SORCS2: variants seen among roughly 807,000 people sequenced by gnomAD.
SORCS2 encodes the protein VPS10 domain-containing receptor SorCS2.
Under a neutral mutation model 141.6 loss-of-function variants are expected in SORCS2, and 100 were observed. The observed-to-expected ratio is 0.71, with a 90% CI of 0.60 to 0.83. SORCS2 has a LOEUF of 0.83. Ranked by LOEUF, SORCS2 falls within the 40% of genes least tolerant of loss-of-function variation. The pLI is 0.00. For missense variants in SORCS2, 1,646 were observed against 1,560.2 expected (o/e 1.05, Z -0.93); for synonymous variants, 789 against 676.9 (o/e 1.17, Z -2.57).
intron 3 of SORCS2, among the ~76,000 whole-genome samples, chr4:7,547,710 C>T (rs544605231): frequency 1.3e-5 from 2 of 152,232 alleles, no homozygotes; most frequent in Non-Finnish European, 2.9e-5. Context: ...CTCTGCTCTT[C>T]CCTGCATGCA....
At chr4:7,261,768 C>T (rs1714339802) in intron 1 of SORCS2, among the ~76,000 whole-genome samples, 1 of 152,202 alleles carries the variant, frequency 6.6e-6, no homozygotes, top group African/African-American at 2.4e-5. Context: ...ACCAACATTC[C>T]CTGCTGGTGA....
At chr4:7,276,201 G>A (rs900698820) in intron 1 of SORCS2, among the ~76,000 whole-genome samples, 3 of 152,166 alleles carry the variant, frequency 2.0e-5, no homozygotes, top group Non-Finnish European at 2.9e-5. Context: ...TTGCACTTTG[G>A]TCCCTGTTGC....
chr4:7,327,415 T>C (rs1470599989), intron 1 of SORCS2, among the ~76,000 whole-genome samples: 1 of 152,196 alleles, frequency 6.6e-6, no homozygotes, highest in Non-Finnish European at 1.5e-5. Flanking sequence ...TCCTCTCTTG[T>C]CTAAAGACAC....
chr4:7,523,262 G>A (rs546896934), intron 2 of SORCS2, among the ~76,000 whole-genome samples: 16 of 152,250 alleles, frequency 1.1e-4, no homozygotes, highest in African/African-American at 3.6e-4. Context: ...TTCGATCCAC[G>A]AGTGTCAGTG....
At position 7,383,404 on chromosome 4, in the gene SORCS2, C is replaced by A. The variant is rs144075665; in HGVS notation, c.481-12884C>A. ...CCGCCCCTCCTCCCCCTGCAAGAGG[C>A]AGCGCTTCCTTTGTGCCTGGCACCT... On this transcript the variant is annotated intron_variant, in intron 1 of 26. Coordinates refer to ENST00000507866, the MANE Select transcript of SORCS2 (RefSeq NM_020777.3). Among the ~76,000 whole-genome samples the A allele has an allele frequency of 4.8e-3, 736 of 152,314 alleles. 6 individuals carry two copies. Among genetic ancestry groups the A allele is most frequent in the African/African-American group, 0.017 (705 of 41,578 alleles).
rs3857191 is a variant in SORCS2 at position 7,193,490 on chromosome 4, C to T, written c.480+364C>T. On this transcript the variant is annotated intron_variant, in intron 1 of 26. Transcript: ENST00000507866. This position sits in a 1 kb window ranked among gnomAD's most constrained non-coding sequence, Gnocchi z 4.8. ...GTACCCCAGCTCGGCGTTACCTCCC[C>T]TGCCCCCAGACTCCACCAGCTGAGC... Among the ~76,000 whole-genome samples the T allele has an allele frequency of 0.56, 85,303 of 152,020 alleles. 24,279 individuals carry two copies. Among genetic ancestry groups the T allele is most frequent in the Admixed American group, 0.62 (9,555 of 15,292 alleles).
chr4:7,561,430 A>G (rs1714546106), intron 3 of SORCS2, among the ~76,000 whole-genome samples: 1 of 151,086 alleles, frequency 6.6e-6, no homozygotes, highest in Non-Finnish European at 1.5e-5. Flanking sequence ...CCATTCATCC[A>G]TCTACCTATT....
At chr4:7,530,017 G>T (rs554958574) in intron 2 of SORCS2, among the ~76,000 whole-genome samples, 1 of 152,194 alleles carries the variant, frequency 6.6e-6, no homozygotes, top group Admixed American at 6.5e-5. Context: ...CCTGAGGACT[G>T]TGAGGGACAC....
chr4:7,385,578 G>A (rs558436764), intron 1 of SORCS2, among the ~76,000 whole-genome samples: 5 of 152,306 alleles, frequency 3.3e-5, no homozygotes, highest in Middle Eastern at 6.8e-3. Flanking sequence ...CTCTGCACTC[G>A]GGAGGAAGGC....
chr4:7,308,006 G>C (rs1054512992), intron 1 of SORCS2, among the ~76,000 whole-genome samples: 7 of 152,116 alleles, frequency 4.6e-5, no homozygotes, highest in African/African-American at 1.7e-4. Flanking sequence ...CAGAGTGGGA[G>C]GTAGGCTCCT....
chr4:7,359,332 C>T (rs1223387416), intron 1 of SORCS2, among the ~76,000 whole-genome samples: 2 of 151,748 alleles, frequency 1.3e-5, no homozygotes, highest in Non-Finnish European at 2.9e-5. Context: ...CAAAGACTTA[C>T]TTTGTCACCC....
At chr4:7,548,359 G>T (rs949405160) in intron 3 of SORCS2, among the ~76,000 whole-genome samples, 5 of 152,296 alleles carry the variant, frequency 3.3e-5, no homozygotes, top group South Asian at 2.1e-4. Flanking sequence ...CCTGAGGTCT[G>T]CCATCCACTT....
At chr4:7,285,198 A>C (rs1216393237) in intron 1 of SORCS2, among the ~76,000 whole-genome samples, 1 of 151,456 alleles carries the variant, frequency 6.6e-6, no homozygotes, top group Non-Finnish European at 1.5e-5. Context: ...ACGCCTGGCT[A>C]ATTTTTGTAT....
chr4:7,425,862 G>T (rs752500290), intron 2 of SORCS2, among the ~76,000 whole-genome samples: 9 of 152,236 alleles, frequency 5.9e-5, no homozygotes, highest in Non-Finnish European at 8.8e-5. Flanking sequence ...TGGGGCCTAG[G>T]CTCTGCCTCG....
At chr4:7,512,123 C>T (rs555585234) in intron 2 of SORCS2, among the ~76,000 whole-genome samples, 2 of 152,220 alleles carry the variant, frequency 1.3e-5, no homozygotes, top group Admixed American at 1.3e-4. Flanking sequence ...TAGGAGACCA[C>T]ATCATGGCAG....
Position 7,565,119 on chromosome 4 carries a change from G to C in SORCS2, c.648+33490G>C, listed in dbSNP as rs557719460. 1.1e-4 allele frequency among the ~76,000 whole-genome samples: 17 copies of C among 152,330 alleles called. No individual in the cohort carries two copies. In the East Asian group the frequency reaches 2.9e-3, roughly 26 times the overall value. ...GGGCTTCCTGGCATTTCTGGATTCTGTGGAGACTCCACTCGCTCAGGCTGC... is the reference window on the plus strand; with the variant it reads ...GGGCTTCCTGGCATTTCTGGATTCTCTGGAGACTCCACTCGCTCAGGCTGC... On this transcript the variant is annotated intron_variant, in intron 3 of 26. Transcript: ENST00000507866.
intron 8 of SORCS2, among the ~76,000 whole-genome samples, chr4:7,671,058 G>T (rs11724048): frequency 0.7 from 105,914 of 152,044 alleles, 37,426 homozygotes; most frequent in Non-Finnish European, 0.75. Context: ...ATGGGACAAT[G>T]TAGAAAATCA....
At chr4:7,371,276 G>A (rs568769321) in intron 1 of SORCS2, among the ~76,000 whole-genome samples, 8 of 152,278 alleles carry the variant, frequency 5.3e-5, no homozygotes, top group Non-Finnish European at 8.8e-5. Context: ...AGCTGCCTGC[G>A]CCCTGTGTGG....
rs374921046 is a variant in SORCS2, at chr4:7,664,994, C to T, written c.1071+523C>T. 1.2e-4 allele frequency among the ~76,000 whole-genome samples: 18 copies of T among 152,286 alleles called. No homozygotes were observed. In the East Asian group the frequency reaches 1.9e-3, roughly 16 times the overall value. ...TCATGGATGGGGAGCTCAGCCCTCCCGAAACAGCCTAGCCCTCTGCTGAGT... is the reference window on the plus strand; with the variant it reads ...TCATGGATGGGGAGCTCAGCCCTCCTGAAACAGCCTAGCCCTCTGCTGAGT... On this transcript the variant is annotated intron_variant, in intron 7 of 26. Coordinates refer to ENST00000507866, the MANE Select transcript of SORCS2 (RefSeq NM_020777.3). The surrounding 1 kb of genome is among the most constrained non-coding windows in gnomAD (Gnocchi z 4.7).
Sources: allele counts gnomAD v4.1 joint callset (sites outside exome capture counted in the v4.1 genomes callset), GRCh38; gene constraint gnomAD v4.1.1; non-coding constraint Gnocchi (gnomAD v3.1); transcripts MANE v1.5; gene names NCBI Gene and HGNC (gene_info 2026-07-23, HGNC 2026-07-21).